The following DPYD variants were observed in gnomAD, a reference collection of about 807,000 sequenced individuals.
DPYD encodes the protein dihydropyrimidine dehydrogenase, also known as dihydropyrimidine dehydrogenase [NADP(+)].
In DPYD, 109 loss-of-function variants were observed where a neutral mutation model predicts 116.2. The ratio of observed to expected loss-of-function variants is 0.94; its 90% confidence interval spans 0.80 to 1.10. DPYD has a LOEUF of 1.10. Among genes scored for constraint, DPYD ranks in the 50% least tolerant of loss-of-function variants. DPYD has a pLI of 0.00. For synonymous variants in DPYD, 440 were observed against 432.0 expected, an observed-to-expected ratio of 1.02 and a Z score of -0.23; for missense variants, 1,302 against 1,254.5, an observed-to-expected ratio of 1.04 and a Z score of -0.57.
chr1:97,099,194 C>A (rs1650485045), intron 20 of DPYD, among the ~76,000 whole-genome samples: 1 of 151,946 alleles, frequency 6.6e-6, no homozygotes, highest in Non-Finnish European at 1.5e-5. Flanking sequence ...ACTGGAATAG[C>A]TGAAAAACAA....
chr1:97,796,431 T>C (rs574941611), intron 3 of DPYD, among the ~76,000 whole-genome samples: 2 of 152,240 alleles, frequency 1.3e-5, no homozygotes, highest in African/African-American at 4.8e-5. Flanking sequence ...AAATTGAATG[T>C]ATCCTCTCAA....
intron 16 of DPYD, among the ~76,000 whole-genome samples, chr1:97,334,956 T>C (rs1036251627): frequency 6.6e-6 from 1 of 152,148 alleles, no homozygotes; most frequent in African/African-American, 2.4e-5. Context: ...TGTGTAAGTG[T>C]GTTACCACGG....
chr1:97,262,941 A>C (rs827500), intron 18 of DPYD, among the ~76,000 whole-genome samples: 115,494 of 151,922 alleles, frequency 0.76, 44,927 homozygotes, highest in African/African-American at 0.93. Flanking sequence ...TTCAAGTATA[A>C]AGTATCACCT....
At chr1:97,714,655 C>CAAAAAAAAAAAAAAAAAAAAAAA (rs1193831747) in intron 5 of DPYD, among the ~76,000 whole-genome samples, 2 of 49,928 alleles carry the variant, frequency 4.0e-5, no homozygotes, top group Admixed American at 4.1e-4. Flanking sequence ...AAAGAAAAGA[C>CAAAAAAAAAAAAAAAAAAAAAAA]AAAAAAAAAA....
intron 13 of DPYD, among the ~76,000 whole-genome samples, chr1:97,464,238 C>CAAAAT (rs145868186): frequency 0.064 from 8,816 of 138,548 alleles, 364 homozygotes; most frequent in East Asian, 0.12. Context: ...GACTCTGTCT[C>CAAAAT]AAAATAAAAT....
chr1:97,661,173 T>C, intron 8 of DPYD, among the ~76,000 whole-genome samples: 1 of 152,310 alleles, frequency 6.6e-6, no homozygotes, highest in South Asian at 2.1e-4. Context: ...GCTCATTTGA[T>C]TTAACATATA....
intron 22 of DPYD, among the ~76,000 whole-genome samples, chr1:97,081,502 A>AT (rs922891800): frequency 1.3e-5 from 2 of 152,010 alleles, no homozygotes; most frequent in Non-Finnish European, 2.9e-5. Context: ...TGTTATGATC[A>AT]TTTTTTCATT....
At chr1:97,329,740 G>A (rs1295502325) in intron 16 of DPYD, among the ~76,000 whole-genome samples, 1 of 139,662 alleles carries the variant, frequency 7.2e-6, no homozygotes, top group Non-Finnish European at 1.5e-5. Flanking sequence ...GCGACAGAGT[G>A]AAACTCCATC....
intron 20 of DPYD, among the ~76,000 whole-genome samples, chr1:97,168,238 C>G (rs1453148253): frequency 6.6e-6 from 1 of 152,182 alleles, no homozygotes; most frequent in Non-Finnish European, 1.5e-5. Flanking sequence ...CAATGTGTAA[C>G]AGGCTATCAT....
intron 13 of DPYD, among the ~76,000 whole-genome samples, chr1:97,496,456 T>C (rs1679271223): frequency 6.6e-6 from 1 of 152,080 alleles, no homozygotes; most frequent in African/African-American, 2.4e-5. Flanking sequence ...TTATCCTTCT[T>C]TGCATATAGT....
intron 22 of DPYD, 126 bp from the exon 23 acceptor site, chr1:97,079,272 T>C (rs551884494): frequency 8.5e-6 from 8 of 937,302 alleles, no homozygotes; most frequent in African/African-American, 4.8e-5. Flanking sequence ...TCCAGCTCTA[T>C]GGTGCAACTA....
At chr1:97,855,312 T>C (rs938035094) in intron 2 of DPYD, 3 of 152,236 alleles carry the variant, frequency 2.0e-5, no homozygotes, top group African/African-American at 7.2e-5. Context: ...GTGACGGTAG[T>C]GCTGCCAGAG....
At chr1:97,760,496 C>T (rs552391488) in intron 3 of DPYD, among the ~76,000 whole-genome samples, 3 of 152,146 alleles carry the variant, frequency 2.0e-5, no homozygotes, top group East Asian at 3.9e-4. Flanking sequence ...TTTGTATTTA[C>T]ATTTTTTAGG....
At chr1:97,198,291 A>T (rs1240949098) in intron 19 of DPYD, among the ~76,000 whole-genome samples, 1 of 152,120 alleles carries the variant, frequency 6.6e-6, no homozygotes, top group Non-Finnish European at 1.5e-5. Context: ...GCAAAAAAAA[A>T]TTTCTTCTAA....
At chr1:97,767,116 T>C (rs556760404) in intron 3 of DPYD, among the ~76,000 whole-genome samples, 1 of 152,298 alleles carries the variant, frequency 6.6e-6, no homozygotes, top group East Asian at 1.9e-4. Flanking sequence ...CTCCTGTTTT[T>C]CCCCTTTTTG....
intron 19 of DPYD, among the ~76,000 whole-genome samples, chr1:97,210,919 A>G (rs760148788): frequency 2.2e-4 from 33 of 152,134 alleles, no homozygotes; most frequent in Non-Finnish European, 4.4e-4. Context: ...TCGTGAATCT[A>G]TTTGTTGCCA....
chr1:97,706,298 T>A (rs1263635797), intron 5 of DPYD, among the ~76,000 whole-genome samples: 4 of 152,086 alleles, frequency 2.6e-5, no homozygotes, highest in African/African-American at 9.7e-5. Flanking sequence ...TTTCCCACCA[T>A]GCTATCCTGC....
chr1:97,919,412 T>C (rs551251366), intron 1 of DPYD, among the ~76,000 whole-genome samples: 2 of 152,158 alleles, frequency 1.3e-5, no homozygotes, highest in Admixed American at 6.5e-5. Flanking sequence ...TTCTCCTCAG[T>C]AGAATGTAAG....
intron 5 of DPYD, among the ~76,000 whole-genome samples, chr1:97,701,031 G>A (rs965291351): frequency 1.3e-5 from 2 of 150,670 alleles, no homozygotes; most frequent in South Asian, 4.2e-4. Flanking sequence ...GTCAACATGA[G>A]AAATTATATT....
Sources: gnomAD v4.1 joint callset for allele counts (sites outside exome capture counted in the v4.1 genomes callset) on GRCh38, gnomAD v4.1.1 for gene constraint, MANE v1.5 for transcripts, NCBI Gene and HGNC (gene_info 2026-07-23, HGNC 2026-07-21) for gene names.